Variants in ULK4 observed in about 807,000 individuals in gnomAD.
The protein encoded by ULK4 is inactive serine/threonine-protein kinase ULK4.
A neutral mutation model predicts 160.6 loss-of-function variants in ULK4; 133 were observed. The ratio of observed to expected loss-of-function variants is 0.83; its 90% CI spans 0.72 to 0.96. The LOEUF (loss-of-function observed/expected upper bound fraction) is 0.96, where lower values mean the gene tolerates loss of function less well. ULK4 is among the 40% of genes least tolerant of loss of function. The pLI, the probability that ULK4 is intolerant of heterozygous loss-of-function variation, is 0.00. For synonymous variants in ULK4, 534 were observed against 539.8 expected (o/e 0.99, Z 0.15); for missense variants, 1,580 against 1,499.5 (o/e 1.05, Z -0.89).
At chr3:41,728,455 G>C (rs188175675) in intron 22 of ULK4, among the ~76,000 whole-genome samples, 1 of 152,212 alleles carries the variant, frequency 6.6e-6, no homozygotes, top group Non-Finnish European at 1.5e-5. Flanking sequence ...AGAACTAATG[G>C]AGCAAGGACA....
At chr3:41,262,016 G>A (rs140115765) in intron 35 of ULK4, among the ~76,000 whole-genome samples, 123 of 152,296 alleles carry the variant, frequency 8.1e-4, no homozygotes, top group African/African-American at 2.6e-3. Context: ...AGGGTGAGGC[G>A]GTGATTAGTA....
intron 17 of ULK4, among the ~76,000 whole-genome samples, chr3:41,845,461 A>C (rs2042049129): frequency 6.6e-6 from 1 of 152,192 alleles, no homozygotes; most frequent in Non-Finnish European, 1.5e-5. Flanking sequence ...TTTATACAAC[A>C]TTCTCAAAAT....
intron 32 of ULK4, among the ~76,000 whole-genome samples, chr3:41,523,735 A>G (rs533226059): frequency 6.6e-6 from 1 of 152,314 alleles, no homozygotes; most frequent in South Asian, 2.1e-4. Context: ...CTTCAAAAAA[A>G]TTAATCATAA....
chr3:41,855,596 C>T (rs535388356), intron 17 of ULK4, among the ~76,000 whole-genome samples: 15 of 152,162 alleles, frequency 9.9e-5, no homozygotes, highest in Admixed American at 2.0e-4. Flanking sequence ...TCCAATATTA[C>T]AATGTTGAGC....
intron 1 of ULK4, among the ~76,000 whole-genome samples, chr3:41,957,245 G>A (rs1028855144): frequency 6.6e-6 from 1 of 152,012 alleles, no homozygotes; most frequent in Non-Finnish European, 1.5e-5. Flanking sequence ...CCTGAGGTCA[G>A]GAGTTTGAGA....
At chr3:41,581,136 A>T (rs2030292801) in intron 31 of ULK4, among the ~76,000 whole-genome samples, 1 of 152,138 alleles carries the variant, frequency 6.6e-6, no homozygotes, top group Non-Finnish European at 1.5e-5. Flanking sequence ...AACATATAGC[A>T]AGAAAAAAAA....
At chr3:41,305,604 C>T (rs942942034) in intron 35 of ULK4, among the ~76,000 whole-genome samples, 12 of 152,188 alleles carry the variant, frequency 7.9e-5, no homozygotes, top group African/African-American at 2.7e-4. Context: ...CCTTGGCCTC[C>T]CAAAGTGCCG....
At chr3:41,342,532 T>C (rs543322486) in intron 35 of ULK4, among the ~76,000 whole-genome samples, 5 of 152,242 alleles carry the variant, frequency 3.3e-5, no homozygotes, top group East Asian at 1.9e-4. Flanking sequence ...TTGTAATAAA[T>C]AGCCTACCAA....
intron 35 of ULK4, among the ~76,000 whole-genome samples, chr3:41,288,774 G>C (rs1241273624): frequency 2.6e-5 from 4 of 152,210 alleles, no homozygotes; most frequent in African/African-American, 9.6e-5. Context: ...TCAGCACTTA[G>C]TGTTCAAGAG....
At chr3:41,772,970 C>T (rs1156392435) in intron 21 of ULK4, among the ~76,000 whole-genome samples, 6 of 152,146 alleles carry the variant, frequency 3.9e-5, no homozygotes, top group African/African-American at 1.4e-4. Context: ...AGACAAAAAC[C>T]ACATGATTAT....
chr3:41,591,764 C>T (rs569107222), intron 31 of ULK4, among the ~76,000 whole-genome samples: 15 of 152,168 alleles, frequency 9.9e-5, no homozygotes, highest in East Asian at 5.8e-4. Context: ...AATATTTGGC[C>T]ATAAGAATAA....
chr3:41,741,798 G>C (rs572336012), intron 22 of ULK4, among the ~76,000 whole-genome samples: 3 of 151,954 alleles, frequency 2.0e-5, no homozygotes, highest in Non-Finnish European at 1.5e-5. Flanking sequence ...GATGGAGTAG[G>C]ATCAAAACAA....
Position 41,249,528 on chromosome 3 carries a change from C to T in ULK4, c.3725G>A (p.Ser1242Asn). The change falls in exon 36 of 37, where the codon AGC becomes AAC. Residue 1242 changes from serine to asparagine, a missense_variant. Transcript: ENST00000301831. ...CAGCCGCTCCAGAGCCCGCAGGAGG[C>T]TGCCTGCATTCTTGAGGCTCTCCAA... ...KHLESLKNAG[S>N]LLRALERLAP... The T allele has an allele frequency of 6.2e-7, 1 of 1,614,142 alleles. No homozygotes were observed. Among genetic ancestry groups the T allele is most frequent in the African/African-American group, 1.3e-5 (1 of 75,070 alleles).
intron 34 of ULK4, among the ~76,000 whole-genome samples, chr3:41,432,782 C>A (rs956345590): frequency 6.6e-6 from 1 of 152,016 alleles, no homozygotes; most frequent in African/African-American, 2.4e-5. Context: ...CAAAGGATAA[C>A]TAGAACCAAT....
At chr3:41,500,538 T>A (rs1374903586) in intron 32 of ULK4, among the ~76,000 whole-genome samples, 1 of 152,096 alleles carries the variant, frequency 6.6e-6, no homozygotes, top group Non-Finnish European at 1.5e-5. Context: ...ATCAGAGCAG[T>A]GGAGTGGGAG....
chr3:41,455,674 G>A (rs9841301), intron 33 of ULK4, 79 bp from the exon 34 acceptor site: 399,678 of 1,309,954 alleles, frequency 0.31, 62,868 homozygotes, highest in African/African-American at 0.37. Context: ...CCACTCCATC[G>A]GGCAGACACA....
chr3:41,335,604 G>A (rs955144747), intron 35 of ULK4, among the ~76,000 whole-genome samples: 1 of 152,086 alleles, frequency 6.6e-6, no homozygotes, highest in Non-Finnish European at 1.5e-5. Context: ...CCTGTGATGT[G>A]TGTAAACAGC....
At chr3:41,707,379 A>G (rs1315005761) in intron 25 of ULK4, among the ~76,000 whole-genome samples, 2 of 152,208 alleles carry the variant, frequency 1.3e-5, no homozygotes, top group East Asian at 3.8e-4. Flanking sequence ...GATTACATCA[A>G]CATAAAAAGC....
chr3:41,935,204 TATTTA>T (rs1298488936), intron 4 of ULK4, among the ~76,000 whole-genome samples: 343 of 8,488 alleles, frequency 0.04, 1 homozygote, highest in African/African-American at 0.044. Context: ...TTTATTTATT[TATTTA>T]TTTTTTTTTT....
Sources: gnomAD v4.1 joint callset for allele counts (sites outside exome capture counted in the v4.1 genomes callset) on GRCh38, gnomAD v4.1.1 for gene constraint, MANE v1.5 for transcripts, NCBI Gene and HGNC (gene_info 2026-07-23, HGNC 2026-07-21) for gene names.